Variants in HTR4 observed in about 807,000 individuals in gnomAD.
HTR4 encodes the protein 5-hydroxytryptamine (serotonin) receptor 4, G protein-coupled.
A neutral mutation model predicts 36.8 loss-of-function variants in HTR4; 16 were observed. That is an observed-to-expected ratio of 0.43 (90% confidence interval 0.29 to 0.66). The LOEUF (loss-of-function observed/expected upper bound fraction) is 0.66. HTR4 is among the 30% of genes least tolerant of loss of function. The pLI is 0.13. For missense variants in HTR4, 438 were observed against 490.9 expected (o/e 0.89, Z 1.02); for synonymous variants, 189 against 185.1 (o/e 1.02, Z -0.17).
At chr5:148,566,156 C>T (rs1258561764) in intron 2 of HTR4, among the ~76,000 whole-genome samples, 2 of 152,066 alleles carry the variant, frequency 1.3e-5, no homozygotes, top group African/African-American at 2.4e-5. Context: ...TAATACACAG[C>T]CATTGAAATT....
intron 2 of HTR4, among the ~76,000 whole-genome samples, chr5:148,624,547 A>G (rs1484453880): frequency 6.6e-6 from 1 of 152,194 alleles, no homozygotes; most frequent in Non-Finnish European, 1.5e-5. Flanking sequence ...AAGGGATACA[A>G]AATAAAAGGC....
At chr5:148,455,372 A>G (rs915216847) in intron 5 of HTR4, among the ~76,000 whole-genome samples, 3 of 152,218 alleles carry the variant, frequency 2.0e-5, no homozygotes, top group Non-Finnish European at 4.4e-5. Flanking sequence ...GAAGGCAACC[A>G]GACATCTGTG....
intron 4 of HTR4, among the ~76,000 whole-genome samples, chr5:148,529,660 G>A (rs1455335317): frequency 2.0e-5 from 3 of 152,322 alleles, no homozygotes; most frequent in South Asian, 2.1e-4. Context: ...GTGGGGTGCT[G>A]ATGAAAAGAT....
chr5:148,529,464 A>C (rs1367521515), intron 4 of HTR4, among the ~76,000 whole-genome samples: 2 of 152,106 alleles, frequency 1.3e-5, no homozygotes, highest in African/African-American at 4.8e-5. Context: ...TTCCCTGCAC[A>C]ATCTCTCTTC....
At chr5:148,455,325 C>T (rs1207743911) in intron 5 of HTR4, among the ~76,000 whole-genome samples, 1 of 152,164 alleles carries the variant, frequency 6.6e-6, no homozygotes, top group Non-Finnish European at 1.5e-5. Context: ...ACACCTTCTC[C>T]TACACTGAGT....
At chr5:148,507,635 C>G (rs1389301796) in intron 6 of HTR4, among the ~76,000 whole-genome samples, 1 of 151,542 alleles carries the variant, frequency 6.6e-6, no homozygotes, top group African/African-American at 2.4e-5. Context: ...TATGCCATCT[C>G]TAAATTGTCT....
At chr5:148,514,322 G>C (rs903339510) in intron 5 of HTR4, among the ~76,000 whole-genome samples, 1 of 152,106 alleles carries the variant, frequency 6.6e-6, no homozygotes, top group South Asian at 2.1e-4. Flanking sequence ...AATGGGTATT[G>C]AATTTTGTCA....
chr5:148,620,893 G>T (rs1157703401), intron 2 of HTR4, among the ~76,000 whole-genome samples: 3 of 152,154 alleles, frequency 2.0e-5, no homozygotes, highest in Non-Finnish European at 4.4e-5. Context: ...AAACCACATT[G>T]AGACTCAACA....
chr5:148,642,363 G>A (rs1014782657), intron 1 of HTR4, among the ~76,000 whole-genome samples: 3 of 152,148 alleles, frequency 2.0e-5, no homozygotes, highest in East Asian at 1.9e-4. Flanking sequence ...ATGGAATGGG[G>A]CAGAGGATGA....
At chr5:148,550,705 C>T (rs1344438657) in intron 2 of HTR4, among the ~76,000 whole-genome samples, 1 of 152,108 alleles carries the variant, frequency 6.6e-6, no homozygotes, top group Non-Finnish European at 1.5e-5. Context: ...TGCCATGGAC[C>T]CCCAGGTTGC....
chr5:148,500,656 T>G (rs1022687933), intron 6 of HTR4, among the ~76,000 whole-genome samples: 1 of 151,284 alleles, frequency 6.6e-6, no homozygotes, highest in Admixed American at 6.6e-5. Flanking sequence ...CACCCAGAAA[T>G]TAATAAGAAA....
At chr5:148,492,017 C>T (rs937029094) in intron 6 of HTR4, among the ~76,000 whole-genome samples, 1 of 152,206 alleles carries the variant, frequency 6.6e-6, no homozygotes, top group Non-Finnish European at 1.5e-5. Flanking sequence ...GGGTTGAAGG[C>T]CAGGGCACCA....
At chr5:148,553,480 A>T (rs1369602747) in intron 2 of HTR4, among the ~76,000 whole-genome samples, 1 of 152,228 alleles carries the variant, frequency 6.6e-6, no homozygotes. Context: ...GCTTGGATAG[A>T]GAAATTTTTA....
intron 6 of HTR4, among the ~76,000 whole-genome samples, chr5:148,491,250 G>A (rs1366305071): frequency 2.0e-5 from 3 of 152,180 alleles, no homozygotes; most frequent in East Asian, 1.9e-4. Context: ...GGTTACTGCC[G>A]GTACTCTAAC....
intron 2 of HTR4, among the ~76,000 whole-genome samples, chr5:148,586,107 CT>C (rs199664614): frequency 1.3e-5 from 2 of 152,112 alleles, no homozygotes; most frequent in African/African-American, 2.4e-5. Flanking sequence ...AACTTACTAA[CT>C]TTTTTTCCAC....
chr5:148,485,800 G>A (rs770722080), intron 6 of HTR4, among the ~76,000 whole-genome samples: 5 of 152,182 alleles, frequency 3.3e-5, no homozygotes, highest in South Asian at 2.1e-4. Flanking sequence ...AAGACAAGGC[G>A]AAAAGATCAG....
At chr5:148,649,543 T>C (rs577355424) in intron 1 of HTR4, among the ~76,000 whole-genome samples, 4 of 152,230 alleles carry the variant, frequency 2.6e-5, no homozygotes, top group Non-Finnish European at 4.4e-5. Context: ...AAAGGACTTT[T>C]GATTTGGATT....
intron 4 of HTR4, among the ~76,000 whole-genome samples, chr5:148,539,374 T>A (rs750159131): frequency 6.6e-6 from 1 of 152,068 alleles, no homozygotes; most frequent in Non-Finnish European, 1.5e-5. Flanking sequence ...AATTAACAAG[T>A]GGGATCTAAA....
intron 1 of HTR4, among the ~76,000 whole-genome samples, chr5:148,640,605 C>T (rs1348346933): frequency 1.3e-5 from 2 of 152,170 alleles, no homozygotes; most frequent in African/African-American, 4.8e-5. Context: ...GGCTTAAGAT[C>T]CAGCAGTGTC....
Sources: allele counts gnomAD v4.1 joint callset (sites outside exome capture counted in the v4.1 genomes callset), GRCh38; gene constraint gnomAD v4.1.1; transcripts MANE v1.5; gene names NCBI Gene and HGNC (gene_info 2026-07-23, HGNC 2026-07-21).